The following ACAD8 variants were observed in gnomAD, a reference collection of about 807,000 sequenced individuals.
ACAD8 encodes acyl-CoA dehydrogenase family member 8.
A neutral mutation model predicts 53.1 loss-of-function variants in ACAD8; 47 were observed. That is an observed-to-expected ratio of 0.89 (90% confidence interval 0.70 to 1.13). ACAD8 has a LOEUF of 1.13. Ranked by LOEUF, ACAD8 falls within the 50% of genes most tolerant of loss-of-function variation. The pLI, the probability that ACAD8 is intolerant of heterozygous loss-of-function variation, is 0.00. For missense variants in ACAD8, 494 were observed against 535.0 expected (o/e 0.92, Z 0.76); for synonymous variants, 198 against 201.3 (o/e 0.98, Z 0.14).
intron 9 of ACAD8, chr11:134,262,317 T>TG (rs1565376709): frequency 4.5e-6 from 3 of 668,072 alleles, no homozygotes; most frequent in Non-Finnish European, 5.5e-6. Flanking sequence ...GTCGCCTGTC[T>TG]GGGGGGAACT....
intron 3 of ACAD8, 70 bp downstream of exon 3, chr11:134,257,327 G>A: frequency 1.3e-6 from 2 of 1,576,142 alleles, no homozygotes; most frequent in East Asian, 4.5e-5. Flanking sequence ...CAGATTCGTA[G>A]GAAAAAGATT....
intron 3 of ACAD8, 33 bp downstream of exon 3, chr11:134,257,290 T>C (rs745525292): frequency 1.3e-5 from 21 of 1,612,518 alleles, no homozygotes; most frequent in Non-Finnish European, 1.7e-5. Context: ...CACAATGAAG[T>C]GCTCACTCGG....
At chr11:134,262,403 G>T in intron 9 of ACAD8, 117 bp from the exon 10 acceptor site, 1 of 715,868 alleles carries the variant, frequency 1.4e-6, no homozygotes, top group South Asian at 1.5e-5. Flanking sequence ...TTGGCTGTTT[G>T]TGGTTCTTTC....
At chr11:134,254,353 G>A (rs2136070555) in intron 1 of ACAD8, among the ~76,000 whole-genome samples, 1 of 152,252 alleles carries the variant, frequency 6.6e-6, no homozygotes, top group Non-Finnish European at 1.5e-5. Context: ...ATTGCCAGTG[G>A]GAAACTCTAC....
chr11:134,259,175 C>A, intron 5 of ACAD8, 91 bp downstream of exon 5: 1 of 1,137,586 alleles, frequency 8.8e-7, no homozygotes, highest in Non-Finnish European at 1.3e-6. Context: ...CGGGTTAATA[C>A]TCCCATAGGA....
chr11:134,255,229 C>T (rs547120836), intron 1 of ACAD8, among the ~76,000 whole-genome samples: 3 of 152,242 alleles, frequency 2.0e-5, no homozygotes, highest in South Asian at 2.1e-4. Context: ...CTCTGCCCCA[C>T]GGGTTCAAGC....
rs1939865027 is a variant in ACAD8 at position 134,261,277 on chromosome 11, T to G, written c.844T>G (p.Ser282Ala). ...GLNGGRINIA[S>A]CSLGAAHASV... ...ACGTCGGCGCTCTTCCCCTCTAGCT[T>G]CCTGCTCCCTGGGGGCTGCCCACGC... The change falls in exon 8 of 11, where the codon TCC becomes GCC. Residue 282 changes from serine (S) to alanine (A), a missense_variant and splice_region_variant. Physicochemically the swap from Ser to Ala is moderately conservative, Grantham distance 99 (BLOSUM62 1). Coordinates refer to ENST00000281182, the MANE Select transcript of ACAD8 (RefSeq NM_014384.3). The surrounding 1 kb of genome is among the most constrained non-coding windows in gnomAD (Gnocchi z 4.2). 6.2e-7 allele frequency: 1 copy of G among 1,614,184 alleles called. No individual in the cohort carries two copies. The highest frequency in any genetic ancestry group is 8.5e-7 in the Non-Finnish European group (1 of 1,180,032).
chr11:134,263,150 A>C (rs899517549), intron 10 of ACAD8: 1 of 1,078,766 alleles, frequency 9.3e-7, no homozygotes, highest in Non-Finnish European at 1.1e-6. Flanking sequence ...GAAACATGGA[A>C]GCCGTTGGGG....
At chr11:134,256,160 G>A (rs1176398711) in intron 1 of ACAD8, among the ~76,000 whole-genome samples, 3 of 152,252 alleles carry the variant, frequency 2.0e-5, no homozygotes, top group African/African-American at 2.4e-5. Context: ...GCCCGCCTCG[G>A]CCTCCTGAAG....
intron 4 of ACAD8, 188 bp from the exon 5 acceptor site, chr11:134,258,820 G>A: frequency 1.4e-6 from 1 of 737,394 alleles, no homozygotes; most frequent in Non-Finnish European, 2.4e-6. Flanking sequence ...GAGGTAGGCA[G>A]TGGCCTGACT....
At chr11:134,258,934 T>C (rs1008243372) in intron 4 of ACAD8, 74 bp from the exon 5 acceptor site, 3 of 1,261,592 alleles carry the variant, frequency 2.4e-6, no homozygotes, top group Non-Finnish European at 3.5e-6. Flanking sequence ...TCCTAGAAGA[T>C]AGAATTGTGC....
In ACAD8 at chr11:134,265,840, A is replaced by G. The variant is rs1034039608; in HGVS notation, c.*880A>G. ...TTTGGAATAATAAAACTCTCGTCCA[A>G]TTTGGCTTTTAAAAAGCAGGCTCCT... On this transcript the variant is annotated 3_prime_UTR_variant, in exon 11 of 11. Transcript: ENST00000281182. 1.3e-5 allele frequency: 2 copies of G among 152,186 alleles called. No individual in the cohort carries two copies. Among genetic ancestry groups the G allele is most frequent in the African/African-American group, 2.4e-5 (1 of 41,442 alleles). The allele number at this position is 152,186 out of a possible 1,614,324, so 9.4% of individuals were successfully genotyped here. A position where few individuals can be genotyped will look rare whatever the true frequency, so the allele number is the denominator to read the frequency against.
rs369269122 is a variant in ACAD8, at chr11:134,254,294, G to C, written c.109+585G>C. 2.0e-5 allele frequency among the ~76,000 whole-genome samples: 3 copies of C among 152,270 alleles called. No homozygotes were observed. In the East Asian group the frequency reaches 5.8e-4, roughly 29 times the overall value. On this transcript the variant is annotated intron_variant, in intron 1 of 10. Transcript: ENST00000281182. ...AAGATTTGGTATCTTAACACCTCTG[G>C]CTATAAGACACTTTTAGTGTTGAAA... is the stretch of plus-strand genomic sequence containing the variant.
Position 134,258,622 on chromosome 11 carries a change from C to G in ACAD8, c.488C>G (p.Pro163Arg), listed in dbSNP as rs1348714132. ...EKFASYCLTEPGSGSDAASLL... is the reference protein window; with the variant it reads ...EKFASYCLTERGSGSDAASLL... ...TTTGCTTCCTACTGCCTCACTGAAC[C>G]AGGTGAATTTGCCACACTGCACTGA... Residue 163 changes from proline to arginine, a missense_variant and splice_region_variant, in exon 4 of 11, where the codon CCA (proline) becomes CGA (arginine). By Grantham distance (103) the Pro-to-Arg change is moderately radical. Coordinates refer to ENST00000281182, the MANE Select transcript of ACAD8 (RefSeq NM_014384.3). 9.9e-6 allele frequency: 16 copies of G among 1,612,496 alleles called. No individual in the cohort carries two copies. The South Asian group carries it at 1.7e-4, about 17-fold the overall frequency.
At chr11:134,259,172 A>G in intron 5 of ACAD8, 88 bp downstream of exon 5, 1 of 1,167,544 alleles carries the variant, frequency 8.6e-7, no homozygotes, top group Non-Finnish European at 1.3e-6. Context: ...CCGCGGGTTA[A>G]TACTCCCATA....
intron 9 of ACAD8, 115 bp downstream of exon 9, chr11:134,262,005 C>T (rs543784011): frequency 1.6e-6 from 2 of 1,269,822 alleles, no homozygotes; most frequent in South Asian, 1.3e-5. Flanking sequence ...CCACAAGGAT[C>T]ACCTTAAGCT....
rs967209736 is a variant in ACAD8 at position 134,264,972 on chromosome 11, G to A, written c.*12G>A. ...TGCTTCAGGAGTAGAACCCACACTT[G>A]TTCTGGCCTGGTGTTCAGTGCGACT... On this transcript the variant is annotated 3_prime_UTR_variant, in exon 11 of 11. Transcript: ENST00000281182. 3.7e-6 allele frequency: 6 copies of A among 1,613,922 alleles called. No individual in the cohort carries two copies. The highest frequency in any genetic ancestry group is 5.1e-6 in the Non-Finnish European group (6 of 1,179,782).
chr11:134,253,687 G>C lies in ACAD8; in HGVS notation c.87G>C (p.Arg29=). 1.3e-6 allele frequency: 2 copies of C among 1,599,862 alleles called. No individual in the cohort carries two copies. Among genetic ancestry groups the C allele is most frequent in the Non-Finnish European group, 1.7e-6 (2 of 1,174,230 alleles). The part of the protein sequence containing the change: ...GLRVLVQTGH[R]SLTSCIDPSM... ...GGGTCCTCGTCCAGACCGGCCACCG[G>C]AGCTTGACCTCCTGCATCGACCGTA... The change falls in exon 1 of 11, where the codon CGG becomes CGC. Residue 29 remains arginine (R), a synonymous_variant. Coordinates refer to ENST00000281182, the MANE Select transcript of ACAD8 (RefSeq NM_014384.3).
chr11:134,256,486 G>A lies in ACAD8; in HGVS notation c.110-62G>A. The A allele has an allele frequency of 5.8e-6, 8 of 1,369,970 alleles. No homozygotes were observed. The South Asian group carries it at 9.4e-5, about 16-fold the overall frequency. 84.9% of individuals were successfully genotyped at this position (1,369,970 alleles called of 1,614,324 possible). On this transcript the variant is annotated intron_variant, in intron 1 of 10. Coordinates refer to ENST00000281182, the MANE Select transcript of ACAD8 (RefSeq NM_014384.3). ...TCACAACTTCGTGGTGCTTCTTGTT[G>A]GCAACACCTTGTTGGCAACACTGAC... is the stretch of plus-strand genomic sequence containing the variant.
Sources: gnomAD v4.1 joint callset for allele counts (sites outside exome capture counted in the v4.1 genomes callset) on GRCh38, gnomAD v4.1.1 for gene constraint, Gnocchi (gnomAD v3.1) non-coding constraint, MANE v1.5 for transcripts, NCBI Gene and HGNC (gene_info 2026-07-23, HGNC 2026-07-21) for gene names.